PEMT: variants seen among roughly 807,000 people sequenced by gnomAD.
The protein encoded by PEMT is phospholipid methyltransferase.
A neutral mutation model predicts 27.4 loss-of-function variants in PEMT; 23 were observed. The observed-to-expected ratio is 0.84, with a 90% CI of 0.60 to 1.19. PEMT has a LOEUF of 1.19. Ranked by LOEUF, PEMT falls within the 50% of genes most tolerant of loss-of-function variation. The pLI, the probability that PEMT is intolerant of heterozygous loss-of-function variation, is 0.00. For missense variants in PEMT, 307 were observed against 310.1 expected (o/e 0.99, Z 0.07); for synonymous variants, 137 against 139.1 (o/e 0.98, Z 0.11).
intron 1 of PEMT, among the ~76,000 whole-genome samples, chr17:17,577,808 G>A (rs1045230315): frequency 4.6e-5 from 7 of 151,866 alleles, no homozygotes; most frequent in Non-Finnish European, 1.0e-4. Flanking sequence ...ACGAGGTCAG[G>A]AGATCAAGAC....
intron 2 of PEMT, among the ~76,000 whole-genome samples, chr17:17,569,977 C>T (rs771742925): frequency 2.6e-5 from 4 of 152,318 alleles, no homozygotes; most frequent in Non-Finnish European, 5.9e-5. Context: ...TACCTCCATG[C>T]AGTGCTTTAT....
chr17:17,579,740 G>A (rs923892146), intron 1 of PEMT, among the ~76,000 whole-genome samples: 10 of 152,206 alleles, frequency 6.6e-5, no homozygotes, highest in Non-Finnish European at 1.3e-4. Flanking sequence ...AGCTGACATA[G>A]GACCAAAGGT....
At chr17:17,575,519 A>G (rs957957635) in intron 2 of PEMT, among the ~76,000 whole-genome samples, 1 of 152,254 alleles carries the variant, frequency 6.6e-6, no homozygotes, top group Middle Eastern at 3.2e-3. Context: ...GAGAGGAAGC[A>G]TGCAGGCCAG....
intron 2 of PEMT, among the ~76,000 whole-genome samples, chr17:17,549,224 CT>C (rs1289018212): frequency 2.0e-5 from 3 of 152,040 alleles, no homozygotes; most frequent in African/African-American, 7.3e-5. Context: ...GAGTCTCACT[CT>C]GTCGCCCAGG....
chr17:17,516,237 T>C (rs1906823889), intron 3 of PEMT, among the ~76,000 whole-genome samples: 1 of 152,064 alleles, frequency 6.6e-6, no homozygotes, highest in Non-Finnish European at 1.5e-5. Context: ...AGCCATGAAA[T>C]GAGTCGTCTG....
chr17:17,567,225 C>T (rs1210516136), intron 2 of PEMT, among the ~76,000 whole-genome samples: 2 of 152,258 alleles, frequency 1.3e-5, no homozygotes, highest in Non-Finnish European at 2.9e-5. Context: ...TCCCTCTCCC[C>T]TCCCTTTTGT....
chr17:17,505,921 G>A lies in PEMT; in HGVS notation c.654-73C>T, dbSNP rs373217602. On this transcript the variant is annotated intron_variant, in intron 6 of 6. Transcript: ENST00000255389. ...CCCACTGCCCGCACCAGAGCTCTGC[G>A]TCCATCAGCTTGAGGGTGTCCAGAT... 1.1e-5 allele frequency: 17 copies of A among 1,515,498 alleles called. No homozygotes were observed. In the South Asian group the frequency reaches 1.2e-4, roughly 10 times the overall value. 93.9% of individuals were successfully genotyped at this position (1,515,498 alleles called of 1,614,324 possible).
At chr17:17,556,593 C>T (rs1416011598) in intron 2 of PEMT, among the ~76,000 whole-genome samples, 1 of 152,078 alleles carries the variant, frequency 6.6e-6, no homozygotes, top group Non-Finnish European at 1.5e-5. Context: ...AGGCTGGTCT[C>T]AAACTCCTGA....
chr17:17,517,846 G>C (rs543663215), intron 3 of PEMT: 178 of 375,636 alleles, frequency 4.7e-4, no homozygotes, highest in African/African-American at 3.7e-3. Flanking sequence ...TGAAGAGCCG[G>C]CTCACTCCTC....
At chr17:17,506,623 G>A (rs73978952) in intron 5 of PEMT, among the ~76,000 whole-genome samples, 2,357 of 152,298 alleles carry the variant, frequency 0.015, 62 homozygotes, top group African/African-American at 0.053. Flanking sequence ...AGCCCCAGGC[G>A]GAAGAGTCCC....
intron 1 of PEMT, chr17:17,577,524 C>G (rs1212271101): frequency 1.0e-6 from 1 of 996,424 alleles, no homozygotes. Context: ...GCGGGGTAAA[C>G]TGAAAAAGTG....
In PEMT at chr17:17,586,276, GAAAGAAAGAAAGA is replaced by G. The variant is rs1359526897; in HGVS notation, c.96+5242_96+5254del. On this transcript the variant is annotated intron_variant, in intron 1 of 6. Coordinates refer to ENST00000255389, the MANE Select transcript of PEMT (RefSeq NM_148172.3). ...AGAAAGAAAGAAAGAAAGAAAGAAAGAAAGAAAGAAAGAAAAAAAAAAACGCAGGTGGAAAATC... is the reference window on the plus strand; with the variant it reads ...AGAAAGAAAGAAAGAAAGAAAGAAAGAAAAAAAAAACGCAGGTGGAAAATC... Among the ~76,000 whole-genome samples, 385 of 104,302 alleles carry G rather than the reference GAAAGAAAGAAAGA, an allele frequency of 3.7e-3. 14 individuals are homozygous for G. Among genetic ancestry groups the G allele is most frequent in the East Asian group, 0.012 (40 of 3,376 alleles). 68.4% of individuals were successfully genotyped at this position (104,302 alleles called of 152,430 possible).
In PEMT at chr17:17,577,147, C is replaced by T. The variant is rs979974756; in HGVS notation, c.97-120G>A. ...TGGGAGGCCTGGGAACATCCAAGTC[C>T]GGCAAAGGTTACTACAGTGTAGTCT... On this transcript the variant is annotated intron_variant, in intron 1 of 6. Coordinates refer to ENST00000255389, the MANE Select transcript of PEMT (RefSeq NM_148172.3). 6.7e-5 allele frequency: 49 copies of T among 728,850 alleles called. No individual in the cohort carries two copies. In the African/African-American group the frequency reaches 6.8e-4, roughly 10 times the overall value. The allele number at this position is 728,850 out of a possible 1,614,324, so 45.1% of individuals were successfully genotyped here. A position where few individuals can be genotyped will look rare whatever the true frequency, so the allele number is the denominator to read the frequency against.
chr17:17,525,719 G>A (rs1907616699), intron 2 of PEMT, among the ~76,000 whole-genome samples: 1 of 152,216 alleles, frequency 6.6e-6, no homozygotes, highest in South Asian at 2.1e-4. Context: ...ACCTGGCCAG[G>A]CACAGTGGCT....
At chr17:17,524,369 C>T (rs1907513703) in intron 2 of PEMT, among the ~76,000 whole-genome samples, 1 of 152,134 alleles carries the variant, frequency 6.6e-6, no homozygotes, top group South Asian at 2.1e-4. Flanking sequence ...GCCACAGTGG[C>T]TGCCCCATTT....
intron 2 of PEMT, among the ~76,000 whole-genome samples, chr17:17,524,195 C>T (rs1470210544): frequency 6.6e-6 from 1 of 152,182 alleles, no homozygotes; most frequent in Admixed American, 6.5e-5. Flanking sequence ...GCACTGTCCA[C>T]GGTGACCAAG....
intron 2 of PEMT, among the ~76,000 whole-genome samples, chr17:17,541,533 C>CGCCA (rs1908885426): frequency 1.3e-5 from 2 of 152,232 alleles, no homozygotes; most frequent in South Asian, 4.1e-4. Context: ...CATCCCAAGG[C>CGCCA]GCCAGTTCCC....
chr17:17,543,498 A>G (rs1038675928), intron 2 of PEMT, among the ~76,000 whole-genome samples: 1 of 152,048 alleles, frequency 6.6e-6, no homozygotes, highest in African/African-American at 2.4e-5. Context: ...CCTCTGCCTG[A>G]AGCACAGCTG....
chr17:17,555,651 T>C (rs73296581), intron 2 of PEMT, among the ~76,000 whole-genome samples: 4,228 of 152,252 alleles, frequency 0.028, 151 homozygotes, highest in African/African-American at 0.083. Flanking sequence ...TGGGCTCCCC[T>C]GAAAGCCAAT....
Sources: allele counts gnomAD v4.1 joint callset (sites outside exome capture counted in the v4.1 genomes callset), GRCh38; gene constraint gnomAD v4.1.1; transcripts MANE v1.5; gene names NCBI Gene and HGNC (gene_info 2026-07-23, HGNC 2026-07-21).